BRIP1: variants seen among roughly 807,000 people sequenced by gnomAD.
BRIP1 encodes the protein Fanconi anemia group J protein.
BRIP1 carries 88 observed loss-of-function variants against 119.7 expected under a neutral mutation model. That is an observed-to-expected ratio of 0.74 (90% confidence interval 0.62 to 0.88). BRIP1 has a LOEUF of 0.88. Ranked by LOEUF, BRIP1 falls within the 40% of genes least tolerant of loss-of-function variation. The pLI, the probability that BRIP1 is intolerant of heterozygous loss-of-function variation, is 0.00. For synonymous variants in BRIP1, 443 were observed against 496.5 expected (o/e 0.89, Z 1.43); for missense variants, 1,259 against 1,455.4 (o/e 0.87, Z 2.20).
Position 61,735,878 on chromosome 17 carries a change from T to A in BRIP1, c.2379+7135A>T, listed in dbSNP as rs2076911855. Among the ~76,000 whole-genome samples the A allele has an allele frequency of 6.6e-6, 1 of 152,108 alleles. No homozygotes were observed. Among genetic ancestry groups the A allele is most frequent in the South Asian group, 2.1e-4 (1 of 4,822 alleles). On this transcript the variant is annotated intron_variant, in intron 16 of 19. Transcript: ENST00000259008. This position sits in a 1 kb window ranked among gnomAD's most constrained non-coding sequence, Gnocchi z 4.4. The stretch of plus-strand genomic sequence containing the variant: ...CCTACAACCACAAACGGACCCCAAG[T>A]GCCAGATAACAACACAACCTGGCCA...
At position 61,808,760 on chromosome 17, in the gene BRIP1, G is replaced by A; in HGVS notation, c.628-3C>T. ...CACCTAGAACAGTGGCCAGGGGGCT[G>A]TAAGAAAGGAAAGAAACGATAACTA... On this transcript the variant is annotated splice_region_variant and splice_polypyrimidine_tract_variant and intron_variant, in intron 6 of 19. Transcript: ENST00000259008. The surrounding 1 kb of genome is among the most constrained non-coding windows in gnomAD (Gnocchi z 4.1). The A allele has an allele frequency of 6.2e-7, 1 of 1,611,484 alleles. No individual in the cohort carries two copies. The highest frequency in any genetic ancestry group is 8.5e-7 in the Non-Finnish European group (1 of 1,179,624).
At chr17:61,732,185 G>A (rs1430036116) in intron 16 of BRIP1, among the ~76,000 whole-genome samples, 2 of 151,672 alleles carry the variant, frequency 1.3e-5, no homozygotes, top group African/African-American at 4.8e-5. Context: ...GTTTCATTAT[G>A]TTGGCCAGGT....
intron 10 of BRIP1, among the ~76,000 whole-genome samples, chr17:61,787,427 TAATA>T (rs1474239059): frequency 2.3e-5 from 3 of 131,678 alleles, no homozygotes; most frequent in Non-Finnish European, 4.8e-5. Flanking sequence ...ATAAAATATA[TAATA>T]TATATACTAT....
chr17:61,821,680 C>A (rs2078328478), intron 6 of BRIP1, among the ~76,000 whole-genome samples: 1 of 152,028 alleles, frequency 6.6e-6, no homozygotes, highest in South Asian at 2.1e-4. Context: ...TAGGCACATG[C>A]TACCACGCCT....
chr17:61,697,269 A>G (rs2061540126), intron 17 of BRIP1, among the ~76,000 whole-genome samples: 1 of 129,238 alleles, frequency 7.7e-6, no homozygotes, highest in Admixed American at 8.7e-5. Context: ...CCTGGGAGGC[A>G]GAGGTTGCAG....
At position 61,861,643 on chromosome 17, in the gene BRIP1, G is replaced by A; in HGVS notation, c.-30-74C>T. 2.5e-6 allele frequency: 2 copies of A among 790,444 alleles called. No homozygotes were observed. The highest frequency in any genetic ancestry group is 4.4e-6 in the Non-Finnish European group (2 of 455,204). The allele number at this position is 790,444 out of a possible 1,614,324, so 49.0% of individuals were successfully genotyped here. Reference sequence around the variant, plus strand: ...AAACCAGAGAACCAAAACTAAGGGAGAAATCTGGAAACAGAAACTGGAATT... The same window carrying A: ...AAACCAGAGAACCAAAACTAAGGGAAAAATCTGGAAACAGAAACTGGAATT... On this transcript the variant is annotated intron_variant, in intron 1 of 19. Transcript: ENST00000259008. This position sits in a 1 kb window ranked among gnomAD's most constrained non-coding sequence, Gnocchi z 4.5.
Position 61,710,932 on chromosome 17 carries a change from T to C in BRIP1, c.2492+5019A>G, listed in dbSNP as rs2061761507. On this transcript the variant is annotated intron_variant, in intron 17 of 19. Transcript: ENST00000259008. The surrounding 1 kb of genome is among the most constrained non-coding windows in gnomAD (Gnocchi z 5.4). ...AGTGCGTGCCTGTAATCTCAGCTAC[T>C]CAAGAGGTTGAGGCAGGAGAATCGC... Among the ~76,000 whole-genome samples, 1 of 149,558 alleles carries C rather than the reference T, an allele frequency of 6.7e-6. No individual in the cohort carries two copies. The highest frequency in any genetic ancestry group is 1.5e-5 in the Non-Finnish European group (1 of 67,682).
rs1421006244 is a variant in BRIP1 at position 61,680,306 on chromosome 17, C to G, written c.*2990G>C. On this transcript the variant is annotated 3_prime_UTR_variant, in exon 20 of 20. Transcript: ENST00000259008. ...GGCAGAGGTTGCAGTGAGCCAAGAT[C>G]GTGCCTTTGCACTCCAGCCTGAGCG... 6.6e-6 allele frequency among the ~76,000 whole-genome samples: 1 copy of G among 151,610 alleles called. No individual in the cohort carries two copies. Among genetic ancestry groups the G allele is most frequent in the African/African-American group, 2.4e-5 (1 of 41,284 alleles).
In BRIP1 at chr17:61,799,069, C is replaced by T. The variant is rs764857263; in HGVS notation, c.1340+31G>A. On this transcript the variant is annotated intron_variant, in intron 9 of 19. Transcript: ENST00000259008. This position sits in a 1 kb window ranked among gnomAD's most constrained non-coding sequence, Gnocchi z 5.1. ...AAACATATTTTTCATATAAAGGCAGCACAAATACACTAATAGACAAATCTT... is the reference window on the plus strand; with the variant it reads ...AAACATATTTTTCATATAAAGGCAGTACAAATACACTAATAGACAAATCTT... 2 of 1,584,252 alleles carry T rather than the reference C, an allele frequency of 1.3e-6. No individual in the cohort carries two copies. The highest frequency in any genetic ancestry group is 2.7e-5 in the African/African-American group (2 of 74,238).
rs2078241060 is a variant in BRIP1 at position 61,816,660 on chromosome 17, T to A, written c.628-7903A>T. Among the ~76,000 whole-genome samples the A allele has an allele frequency of 6.6e-6, 1 of 152,096 alleles. No individual in the cohort carries two copies. The highest frequency in any genetic ancestry group is 2.4e-5 in the African/African-American group (1 of 41,422). Reference sequence around the variant, plus strand: ...AAAATTATCCTGGTATAATAGAACTTTACATAGATGTGATTATAGCAATGA... The same window carrying A: ...AAAATTATCCTGGTATAATAGAACTATACATAGATGTGATTATAGCAATGA... On this transcript the variant is annotated intron_variant, in intron 6 of 19. Transcript: ENST00000259008. The surrounding 1 kb of genome is among the most constrained non-coding windows in gnomAD (Gnocchi z 5.0).
At chr17:61,772,308 A>C (rs539610185) in intron 14 of BRIP1, among the ~76,000 whole-genome samples, 1 of 151,484 alleles carries the variant, frequency 6.6e-6, no homozygotes, top group South Asian at 2.1e-4. Flanking sequence ...TCAGAAACAA[A>C]GGACAAATAC....
chr17:61,800,169 G>A (rs549621679), intron 8 of BRIP1, among the ~76,000 whole-genome samples: 13 of 152,234 alleles, frequency 8.5e-5, no homozygotes, highest in African/African-American at 2.2e-4. Flanking sequence ...AGAGAATCAA[G>A]TATTTTTTCT....
chr17:61,793,543 C>T lies in BRIP1; in HGVS notation c.1473+54G>A. 6.5e-7 allele frequency: 1 copy of T among 1,539,322 alleles called. No individual in the cohort carries two copies. Among genetic ancestry groups the T allele is most frequent in the Non-Finnish European group, 8.9e-7 (1 of 1,126,666 alleles). On this transcript the variant is annotated intron_variant, in intron 10 of 19. Transcript: ENST00000259008. The surrounding 1 kb of genome is among the most constrained non-coding windows in gnomAD (Gnocchi z 5.2). ...AGATTTAATCTGGATTTAGTCACGA[C>T]TAAATCACTTCTAATTCACTAAATA...
In BRIP1 at chr17:61,758,016, A is replaced by C. The variant is rs977341545; in HGVS notation, c.2098-13425T>G. Among the ~76,000 whole-genome samples the C allele has an allele frequency of 6.6e-6, 1 of 151,830 alleles. No homozygotes were observed. The highest frequency in any genetic ancestry group is 1.5e-5 in the Non-Finnish European group (1 of 67,782). The stretch of plus-strand genomic sequence containing the variant: ...CTTGAAAAAAAAAAAGAGAAAAAAG[A>C]AAAGAAAACAATAAGAACTCAATAC... On this transcript the variant is annotated intron_variant, in intron 14 of 19. Transcript: ENST00000259008. This position sits in a 1 kb window ranked among gnomAD's most constrained non-coding sequence, Gnocchi z 5.3.
Position 61,862,771 on chromosome 17 carries a change from A to G in BRIP1, c.-31+513T>C, listed in dbSNP as rs2078989152. Among the ~76,000 whole-genome samples the G allele has an allele frequency of 1.3e-5, 2 of 152,196 alleles. No individual in the cohort carries two copies. The highest frequency in any genetic ancestry group is 1.5e-5 in the Non-Finnish European group (1 of 68,038). ...GGACGAAGAGATGGTTAAAATAGCAATTCAATAGATTATGAAGCCAATAAT... is the reference window on the plus strand; with the variant it reads ...GGACGAAGAGATGGTTAAAATAGCAGTTCAATAGATTATGAAGCCAATAAT... On this transcript the variant is annotated intron_variant, in intron 1 of 19. Coordinates refer to ENST00000259008, the MANE Select transcript of BRIP1 (RefSeq NM_032043.3). This position sits in a 1 kb window ranked among gnomAD's most constrained non-coding sequence, Gnocchi z 5.3.
Position 61,735,042 on chromosome 17 carries a change from T to A in BRIP1, c.2379+7971A>T, listed in dbSNP as rs974300778. 2.6e-5 allele frequency among the ~76,000 whole-genome samples: 4 copies of A among 152,214 alleles called. No individual in the cohort carries two copies. The highest frequency in any genetic ancestry group is 9.6e-5 in the African/African-American group (4 of 41,466). Reference sequence around the variant, plus strand: ...TTAATGTAAAAGAAAACTATAAAGTTCTAATTTAAGGTCCTATAATTTGAA... The same window carrying A: ...TTAATGTAAAAGAAAACTATAAAGTACTAATTTAAGGTCCTATAATTTGAA... On this transcript the variant is annotated intron_variant, in intron 16 of 19. Transcript: ENST00000259008. The surrounding 1 kb of genome is among the most constrained non-coding windows in gnomAD (Gnocchi z 4.4).
Position 61,841,673 on chromosome 17 carries a change from T to C in BRIP1, c.627+5428A>G, listed in dbSNP as rs76820359. Among the ~76,000 whole-genome samples, 3,251 of 152,194 alleles carry C rather than the reference T, an allele frequency of 0.021. 115 individuals are homozygous for C. The highest frequency in any genetic ancestry group is 0.074 in the African/African-American group (3,070 of 41,502). ...AAAACCTAAAAATATTACTACCATA[T>C]AATCATATAATCCAGCAATCCTACT... On this transcript the variant is annotated intron_variant, in intron 6 of 19. Transcript: ENST00000259008. This position sits in a 1 kb window ranked among gnomAD's most constrained non-coding sequence, Gnocchi z 4.1.
rs1486832003 is a variant in BRIP1 at position 61,701,304 on chromosome 17, C to G, written c.2493-7792G>C. Among the ~76,000 whole-genome samples the G allele has an allele frequency of 1.3e-5, 2 of 151,992 alleles. No homozygotes were observed. The highest frequency in any genetic ancestry group is 2.9e-5 in the Non-Finnish European group (2 of 67,970). On this transcript the variant is annotated intron_variant, in intron 17 of 19. Coordinates refer to ENST00000259008, the MANE Select transcript of BRIP1 (RefSeq NM_032043.3). The surrounding 1 kb of genome is among the most constrained non-coding windows in gnomAD (Gnocchi z 5.1). Reference sequence around the variant, plus strand: ...TTCTCCCTCTTCAAGGTTTTTTGTTCTTGTAATTTTTCTAAAATAATCTTG... The same window carrying G: ...TTCTCCCTCTTCAAGGTTTTTTGTTGTTGTAATTTTTCTAAAATAATCTTG...
intron 11 of BRIP1, chr17:61,783,727 T>G (rs1216876450): frequency 6.6e-6 from 1 of 151,960 alleles, no homozygotes; most frequent in Non-Finnish European, 1.5e-5. Flanking sequence ...AGAAGATAAT[T>G]TAATATGAAT....
Sources: gnomAD v4.1 joint callset for allele counts (sites outside exome capture counted in the v4.1 genomes callset) on GRCh38, gnomAD v4.1.1 for gene constraint, Gnocchi (gnomAD v3.1) non-coding constraint, MANE v1.5 for transcripts, NCBI Gene and HGNC (gene_info 2026-07-23, HGNC 2026-07-21) for gene names.